The following DYNC1LI2 variants were observed in gnomAD, a reference collection of about 807,000 sequenced individuals.
The protein encoded by DYNC1LI2 is cytoplasmic dynein 1 light intermediate chain 2.
DYNC1LI2 carries 19 observed loss-of-function variants against 57.8 expected under a neutral mutation model. That is an observed-to-expected ratio of 0.33 (90% CI 0.23 to 0.48). DYNC1LI2 has a LOEUF of 0.48. Among genes scored for constraint, DYNC1LI2 ranks in the 20% least tolerant of loss-of-function variants. The pLI is 0.99. For missense variants in DYNC1LI2, 470 were observed against 604.2 expected, an observed-to-expected ratio of 0.78 and a Z score of 2.33; for synonymous variants, 256 against 233.4, an observed-to-expected ratio of 1.10 and a Z score of -0.88.
intron 11 of DYNC1LI2, 62 bp from the exon 12 acceptor site, chr16:66,726,006 C>G: frequency 6.4e-7 from 1 of 1,551,034 alleles, no homozygotes; most frequent in Non-Finnish European, 8.7e-7. Flanking sequence ...AATTAAACAC[C>G]CTAGTTCTCA....
At chr16:66,750,264 T>C (rs1168798268) in intron 2 of DYNC1LI2, among the ~76,000 whole-genome samples, 1 of 152,180 alleles carries the variant, frequency 6.6e-6, no homozygotes, top group African/African-American at 2.4e-5. Flanking sequence ...AGTCAATTCC[T>C]GAGAAAGGTC....
At chr16:66,732,190 T>C in intron 7 of DYNC1LI2, 149 bp downstream of exon 7, 1 of 1,038,578 alleles carries the variant, frequency 9.6e-7, no homozygotes. Flanking sequence ...AGATGCCTCA[T>C]AATCCGGAAA....
At position 66,723,806 on chromosome 16, in the gene DYNC1LI2, C is replaced by T. The variant is rs1322654532; in HGVS notation, c.1395G>A (p.Leu465=). The T allele has an allele frequency of 6.3e-6, 10 of 1,587,792 alleles. No homozygotes were observed. Among genetic ancestry groups the T allele is most frequent in the Non-Finnish European group, 8.5e-6 (10 of 1,170,920 alleles). Residue 465 remains leucine (L), a synonymous_variant, in exon 13 of 13, where the codon TTG becomes TTA. Coordinates refer to ENST00000258198, the MANE Select transcript of DYNC1LI2 (RefSeq NM_006141.3). ...TAKKSGQKTV[L]SNVQEELDRM... The stretch of plus-strand genomic sequence containing the variant: ...TATCCAGTTCTTCCTGAACATTTGA[C>T]AACACAGTCTTTTGTCCTGAAAAAA...
intron 3 of DYNC1LI2, among the ~76,000 whole-genome samples, chr16:66,744,521 G>A (rs1456865132): frequency 1.3e-5 from 2 of 151,882 alleles, no homozygotes; most frequent in African/African-American, 4.8e-5. Flanking sequence ...TCTAACTGCC[G>A]AAGACAATTC....
chr16:66,732,459 A>G lies in DYNC1LI2; in HGVS notation c.809T>C (p.Ile270Thr). The change falls in exon 7 of 13, where the codon ATT (isoleucine) becomes ACT (threonine). Residue 270 changes from isoleucine to threonine, a missense_variant. Transcript: ENST00000258198. ...RFCLQYGAAL[I>T]YTSVKEEKNL... ...TTTCTCTTCTTTCACTGATGTGTAA[A>G]TCAAGGCAGCTCCATCTAATCAATC... is the stretch of plus-strand genomic sequence containing the variant. 2 of 1,612,336 alleles carry G rather than the reference A, an allele frequency of 1.2e-6. No individual in the cohort carries two copies. Among genetic ancestry groups the G allele is most frequent in the Non-Finnish European group, 1.7e-6 (2 of 1,179,828 alleles).
At chr16:66,728,054 G>T in intron 10 of DYNC1LI2, 147 bp downstream of exon 10, 1 of 1,125,656 alleles carries the variant, frequency 8.9e-7, no homozygotes, top group South Asian at 1.5e-5. Flanking sequence ...TTTCTTTTAT[G>T]TTTCTGGTCA....
chr16:66,721,059 G>A lies in DYNC1LI2; in HGVS notation c.*2663C>T, dbSNP rs1369742233. ...AATCTGCAGTCTTACTTTTAAGTTA[G>A]AAACACCAATAAATTTAGTATACAG... On this transcript the variant is annotated 3_prime_UTR_variant, in exon 13 of 13. Coordinates refer to ENST00000258198, the MANE Select transcript of DYNC1LI2 (RefSeq NM_006141.3). 1 of 152,640 alleles carries A rather than the reference G, an allele frequency of 6.6e-6. No homozygotes were observed. Among genetic ancestry groups the A allele is most frequent in the East Asian group, 1.9e-4 (1 of 5,190 alleles). 9.5% of individuals were successfully genotyped at this position (152,640 alleles called of 1,614,324 possible).
At position 66,736,062 on chromosome 16, in the gene DYNC1LI2, C is replaced by T; in HGVS notation, c.699+13G>A. 6.2e-7 allele frequency: 1 copy of T among 1,610,472 alleles called. No individual in the cohort carries two copies. Among genetic ancestry groups the T allele is most frequent in the East Asian group, 2.2e-5 (1 of 44,792 alleles). ...CCCGAACCCAGCCAAGCCAACAACC[C>T]CCTGGCACACACCTTTGTGCACACC... On this transcript the variant is annotated intron_variant, in intron 5 of 12. Coordinates refer to ENST00000258198, the MANE Select transcript of DYNC1LI2 (RefSeq NM_006141.3).
intron 4 of DYNC1LI2, among the ~76,000 whole-genome samples, chr16:66,741,708 C>T (rs577011762): frequency 1.6e-4 from 24 of 152,092 alleles, no homozygotes; most frequent in African/African-American, 5.5e-4. Flanking sequence ...CCAGCCCCTG[C>T]CCCTCCCATT....
intron 2 of DYNC1LI2, among the ~76,000 whole-genome samples, chr16:66,749,553 C>T (rs1471334419): frequency 4.6e-5 from 7 of 152,126 alleles, no homozygotes; most frequent in Admixed American, 2.6e-4. Flanking sequence ...GTTATCCTTA[C>T]TTCAAAAGGG....
At chr16:66,750,055 T>A (rs116053242) in intron 2 of DYNC1LI2, among the ~76,000 whole-genome samples, 209 of 152,228 alleles carry the variant, frequency 1.4e-3, no homozygotes, top group African/African-American at 4.7e-3. Flanking sequence ...ATCAAAGACC[T>A]CCTCTCCATC....
At chr16:66,743,560 C>CAAAAAAAA in intron 3 of DYNC1LI2, among the ~76,000 whole-genome samples, 1 of 87,190 alleles carries the variant, frequency 1.1e-5, no homozygotes, top group Non-Finnish European at 2.2e-5. Flanking sequence ...GACTCCATCT[C>CAAAAAAAA]AAAAAAAAAA....
intron 12 of DYNC1LI2, among the ~76,000 whole-genome samples, chr16:66,725,178 C>CAA (rs34062942): frequency 1.5e-3 from 186 of 123,206 alleles, no homozygotes; most frequent in Middle Eastern, 5.1e-3. Flanking sequence ...CCATCTCTAT[C>CAA]AAAAAAAAAA....
At chr16:66,723,874 C>T (rs1345001209) in intron 12 of DYNC1LI2, 52 bp from the exon 13 acceptor site, 3 of 1,491,972 alleles carry the variant, frequency 2.0e-6, no homozygotes, top group African/African-American at 2.9e-5. Context: ...GAAGAGGAAA[C>T]AATTTTTTTT....
chr16:66,737,537 A>G (rs2017757322), intron 4 of DYNC1LI2, among the ~76,000 whole-genome samples: 1 of 151,320 alleles, frequency 6.6e-6, no homozygotes, highest in South Asian at 2.1e-4. Context: ...TGAATTTTAT[A>G]AGAACATGCT....
At chr16:66,740,267 C>T (rs80241367) in intron 4 of DYNC1LI2, among the ~76,000 whole-genome samples, 2,397 of 152,238 alleles carry the variant, frequency 0.016, 67 homozygotes, top group African/African-American at 0.054. Flanking sequence ...TTTCCAAAAT[C>T]ATAAGAATGG....
At chr16:66,732,580 T>C in intron 6 of DYNC1LI2, 106 bp from the exon 7 acceptor site, 1 of 1,249,108 alleles carries the variant, frequency 8.0e-7, no homozygotes, top group Non-Finnish European at 1.1e-6. Flanking sequence ...TTGATCAATA[T>C]ATGAGCAACA....
At chr16:66,746,581 T>C (rs2017939252) in intron 3 of DYNC1LI2, among the ~76,000 whole-genome samples, 1 of 152,188 alleles carries the variant, frequency 6.6e-6, no homozygotes, top group Non-Finnish European at 1.5e-5. Flanking sequence ...AGTTAAAATA[T>C]ACTTAAAGGC....
In DYNC1LI2 at chr16:66,723,428, C is replaced by A. The variant is rs1225895155; in HGVS notation, c.*294G>T. The stretch of plus-strand genomic sequence containing the variant: ...TCCACCCTGTTAGAAAGTGGGCCCT[C>A]TTTCTTTCACTCTACCTTCCCCTCC... On this transcript the variant is annotated 3_prime_UTR_variant, in exon 13 of 13. Coordinates refer to ENST00000258198, the MANE Select transcript of DYNC1LI2 (RefSeq NM_006141.3). 1 of 527,940 alleles carries A rather than the reference C, an allele frequency of 1.9e-6. No individual in the cohort carries two copies. Among genetic ancestry groups the A allele is most frequent in the South Asian group, 1.5e-5 (1 of 65,208 alleles). 32.7% of individuals were successfully genotyped at this position (527,940 alleles called of 1,614,324 possible). A position where few individuals can be genotyped will look rare whatever the true frequency, so the allele number is the denominator to read the frequency against.
Sources: gnomAD v4.1 joint callset for allele counts (sites outside exome capture counted in the v4.1 genomes callset) on GRCh38, gnomAD v4.1.1 for gene constraint, MANE v1.5 for transcripts, NCBI Gene and HGNC (gene_info 2026-07-23, HGNC 2026-07-21) for gene names.